Variants in MLLT3 observed in about 807,000 individuals in gnomAD.
MLLT3 encodes protein AF-9.
Under a neutral mutation model 53.2 loss-of-function variants are expected in MLLT3, and 4 were observed. The observed-to-expected ratio is 0.08, with a 90% CI of 0.04 to 0.17. The LOEUF (loss-of-function observed/expected upper bound fraction) is 0.17. Ranked by LOEUF, MLLT3 falls within the 10% of genes least tolerant of loss-of-function variation. The pLI, the probability that MLLT3 is intolerant of heterozygous loss-of-function variation, is 1.00. For synonymous variants in MLLT3, 283 were observed against 230.6 expected (o/e 1.23, Z -2.06); for missense variants, 569 against 684.0 (o/e 0.83, Z 1.87).
intron 2 of MLLT3, among the ~76,000 whole-genome samples, chr9:20,599,192 T>C (rs1344679705): frequency 6.6e-6 from 1 of 151,434 alleles, no homozygotes; most frequent in Non-Finnish European, 1.5e-5. Context: ...CAGTCCCAGC[T>C]ACTCAGGAAG....
In MLLT3 at chr9:20,555,816, C is replaced by T. The variant is rs532767694; in HGVS notation, c.193+64838G>A. On this transcript the variant is annotated intron_variant, in intron 2 of 10. Coordinates refer to ENST00000380338, the MANE Select transcript of MLLT3 (RefSeq NM_004529.4). Reference sequence around the variant, plus strand: ...TAAATAAATAAGAAACATTTCTAGACGTCTAAAAGGGAACAAAATGCTTTT... The same window carrying T: ...TAAATAAATAAGAAACATTTCTAGATGTCTAAAAGGGAACAAAATGCTTTT... Among the ~76,000 whole-genome samples, 6 of 152,262 alleles carry T rather than the reference C, an allele frequency of 3.9e-5. No individual in the cohort carries two copies. In the East Asian group the frequency reaches 7.7e-4, roughly 20 times the overall value.
At chr9:20,608,610 A>G (rs935093392) in intron 2 of MLLT3, among the ~76,000 whole-genome samples, 1 of 151,986 alleles carries the variant, frequency 6.6e-6, no homozygotes, top group East Asian at 1.9e-4. Flanking sequence ...TTGTGCAAAT[A>G]CTCATAGTAA....
At chr9:20,429,741 T>C (rs896198655) in intron 4 of MLLT3, among the ~76,000 whole-genome samples, 8 of 152,112 alleles carry the variant, frequency 5.3e-5, no homozygotes, top group African/African-American at 1.9e-4. Flanking sequence ...CCATGGTTTT[T>C]CAAAAAATGA....
At chr9:20,440,211 G>A (rs1823510313) in intron 4 of MLLT3, among the ~76,000 whole-genome samples, 1 of 152,126 alleles carries the variant, frequency 6.6e-6, no homozygotes, top group African/African-American at 2.4e-5. Flanking sequence ...ATTAGCAGCA[G>A]ATCCTACAAT....
intron 4 of MLLT3, among the ~76,000 whole-genome samples, chr9:20,421,120 C>T (rs553184623): frequency 3.5e-4 from 53 of 151,968 alleles, no homozygotes; most frequent in African/African-American, 1.2e-3. Context: ...AAAAATTAGC[C>T]GGGCCAGGTG....
intron 4 of MLLT3, among the ~76,000 whole-genome samples, chr9:20,439,469 T>C (rs183590875): frequency 1.3e-5 from 2 of 151,864 alleles, no homozygotes; most frequent in Admixed American, 6.5e-5. Context: ...ATCATACTTC[T>C]GTATTGTCAA....
intron 4 of MLLT3, among the ~76,000 whole-genome samples, chr9:20,417,318 T>C (rs1213729274): frequency 6.8e-6 from 1 of 148,024 alleles, no homozygotes; most frequent in African/African-American, 2.4e-5. Context: ...ATTAAAAGCT[T>C]TCGCTGATTT....
intron 7 of MLLT3, 110 bp downstream of exon 7, chr9:20,363,366 C>T (rs1382566165): frequency 8.6e-6 from 11 of 1,282,956 alleles, no homozygotes; most frequent in Non-Finnish European, 1.2e-5. Context: ...TGAATGTGAC[C>T]ATCTACTGCC....
chr9:20,552,152 G>A (rs1251160794), intron 2 of MLLT3, among the ~76,000 whole-genome samples: 3 of 152,180 alleles, frequency 2.0e-5, no homozygotes, highest in Admixed American at 6.5e-5. Context: ...AGAGGACAGT[G>A]AGCAACAGTA....
At chr9:20,608,742 A>G (rs1820630571) in intron 2 of MLLT3, among the ~76,000 whole-genome samples, 1 of 151,978 alleles carries the variant, frequency 6.6e-6, no homozygotes, top group Non-Finnish European at 1.5e-5. Flanking sequence ...AAAACTAAAA[A>G]TCTTATTGTA....
intron 4 of MLLT3, among the ~76,000 whole-genome samples, chr9:20,444,638 C>T (rs1366772882): frequency 7.9e-5 from 12 of 152,006 alleles, no homozygotes; most frequent in Non-Finnish European, 1.5e-5. Flanking sequence ...TTTAGGAGGC[C>T]GAGGGGGGCT....
In MLLT3 at chr9:20,489,186, G is replaced by C. The variant is rs367620826; in HGVS notation, c.194-32400C>G. Reference sequence around the variant, plus strand: ...GCGGGTGGAAGGGTAGAGAGGTAGGGGACTGGCATGTCAATGGAATAGAAA... The same window carrying C: ...GCGGGTGGAAGGGTAGAGAGGTAGGCGACTGGCATGTCAATGGAATAGAAA... On this transcript the variant is annotated intron_variant, in intron 2 of 10. Coordinates refer to ENST00000380338, the MANE Select transcript of MLLT3 (RefSeq NM_004529.4). Among the ~76,000 whole-genome samples, 8 of 151,996 alleles carry C rather than the reference G, an allele frequency of 5.3e-5. No homozygotes were observed. In the East Asian group the frequency reaches 1.2e-3, roughly 22 times the overall value.
intron 2 of MLLT3, among the ~76,000 whole-genome samples, chr9:20,507,510 A>G (rs1447532299): frequency 2.0e-5 from 3 of 152,192 alleles, no homozygotes; most frequent in Admixed American, 2.0e-4. Context: ...TTGCCTTTAA[A>G]AAAGAGACCC....
chr9:20,552,758 T>C (rs1272529344), intron 2 of MLLT3, among the ~76,000 whole-genome samples: 1 of 152,146 alleles, frequency 6.6e-6, no homozygotes, highest in African/African-American at 2.4e-5. Flanking sequence ...ACTTAGGAAA[T>C]AGTTTTAATA....
At chr9:20,561,716 T>A (rs747973359) in intron 2 of MLLT3, among the ~76,000 whole-genome samples, 1 of 152,160 alleles carries the variant, frequency 6.6e-6, no homozygotes, top group East Asian at 1.9e-4. Flanking sequence ...GTTTTTTAAG[T>A]ACAGAACTGA....
chr9:20,621,604 C>A lies in MLLT3; in HGVS notation c.12+641G>T, dbSNP rs1821011512. On this transcript the variant is annotated intron_variant, in intron 1 of 10. Coordinates refer to ENST00000380338, the MANE Select transcript of MLLT3 (RefSeq NM_004529.4). The surrounding 1 kb of genome is among the most constrained non-coding windows in gnomAD (Gnocchi z 7.0). ...AGCCCAAGTGGCTCCAAAGTATCTCCCACCTCCCCCCAAAAAATGAAATTC... is the reference window on the plus strand; with the variant it reads ...AGCCCAAGTGGCTCCAAAGTATCTCACACCTCCCCCCAAAAAATGAAATTC... Among the ~76,000 whole-genome samples the A allele has an allele frequency of 6.6e-6, 1 of 152,104 alleles. No homozygotes were observed.
intron 2 of MLLT3, among the ~76,000 whole-genome samples, chr9:20,591,065 A>C (rs1820116254): frequency 6.6e-6 from 1 of 152,156 alleles, no homozygotes; most frequent in Non-Finnish European, 1.5e-5. Flanking sequence ...AGTTTTTAAA[A>C]AGAACACAAG....
chr9:20,517,635 G>T, intron 2 of MLLT3, among the ~76,000 whole-genome samples: 1 of 152,040 alleles, frequency 6.6e-6, no homozygotes, highest in East Asian at 1.9e-4. Context: ...TCAAGAGTTT[G>T]AGACCAACCT....
In MLLT3 at chr9:20,381,901, G is replaced by A. The variant is rs192155568; in HGVS notation, c.1126-16157C>T. On this transcript the variant is annotated intron_variant, in intron 5 of 10. Transcript: ENST00000380338. ...TTTCAGATTAGTAAAATAATTAGAG[G>A]TCTAATCCTTAGCTTCTCTCAGAAA... 2.0e-4 allele frequency among the ~76,000 whole-genome samples: 31 copies of A among 151,782 alleles called. 1 individual carries two copies. In the East Asian group the frequency reaches 3.1e-3, roughly 15 times the overall value.
Sources: gnomAD v4.1 joint callset for allele counts (sites outside exome capture counted in the v4.1 genomes callset) on GRCh38, gnomAD v4.1.1 for gene constraint, Gnocchi (gnomAD v3.1) non-coding constraint, MANE v1.5 for transcripts, NCBI Gene and HGNC (gene_info 2026-07-23, HGNC 2026-07-21) for gene names.